The following ATP10A variants were observed in gnomAD, a reference collection of about 807,000 sequenced individuals.
ATP10A encodes phospholipid-transporting ATPase VA.
A neutral mutation model predicts 147.8 loss-of-function variants in ATP10A; 111 were observed. The ratio of observed to expected loss-of-function variants is 0.75; its 90% CI spans 0.64 to 0.88. The LOEUF (loss-of-function observed/expected upper bound fraction) is 0.88, where lower values mean the gene tolerates loss of function less well. Ranked by LOEUF, ATP10A falls within the 40% of genes least tolerant of loss-of-function variation. The pLI is 0.00. For synonymous variants in ATP10A, 875 were observed against 841.6 expected (o/e 1.04, Z -0.69); for missense variants, 1,927 against 1,959.0 (o/e 0.98, Z 0.31).
chr15:25,808,418 CTT>C (rs1197859410), intron 1 of ATP10A, among the ~76,000 whole-genome samples: 5 of 152,156 alleles, frequency 3.3e-5, no homozygotes, highest in Non-Finnish European at 4.4e-5. Context: ...GAGTTTTGCT[CTT>C]GTTTCCCAGA....
intron 17 of ATP10A, 111 bp from the exon 18 acceptor site, chr15:25,681,185 A>C: frequency 9.1e-7 from 1 of 1,100,770 alleles, no homozygotes; most frequent in Non-Finnish European, 1.3e-6. Flanking sequence ...CAATAACAAC[A>C]AAAACCCACC....
intron 16 of ATP10A, among the ~76,000 whole-genome samples, chr15:25,687,345 G>C (rs2140297877): frequency 6.6e-6 from 1 of 152,220 alleles, no homozygotes; most frequent in Non-Finnish European, 1.5e-5. Flanking sequence ...GCAGGACTGG[G>C]TGGCCTGGGG....
chr15:25,777,555 T>C (rs1355945915), intron 2 of ATP10A, among the ~76,000 whole-genome samples: 2 of 152,010 alleles, frequency 1.3e-5, no homozygotes, highest in Non-Finnish European at 2.9e-5. Context: ...GTGGGAGAAC[T>C]CTGTCTCAGA....
Position 25,679,771 on chromosome 15 carries a change from G to T in ATP10A, c.4070C>A (p.Thr1357Lys), listed in dbSNP as rs1899280704. ...SVPLSQPSWH[T>K]QQPVCSLEAS... Reference sequence around the variant, plus strand: ...CTCCAGGGAGCAGACCGGCTGCTGTGTGTGCCAAGAAGGCTGGGACAGGGG... The same window carrying T: ...CTCCAGGGAGCAGACCGGCTGCTGTTTGTGCCAAGAAGGCTGGGACAGGGG... Residue 1357 changes from threonine (T) to lysine (K), a missense_variant, in exon 21 of 21, where the codon ACA becomes AAA. By Grantham distance (78) the Thr-to-Lys change is moderately conservative. Coordinates refer to ENST00000555815, the MANE Select transcript of ATP10A (RefSeq NM_024490.4). 1.2e-6 allele frequency: 2 copies of T among 1,613,138 alleles called. No homozygotes were observed. Among genetic ancestry groups the T allele is most frequent in the South Asian group, 1.1e-5 (1 of 91,078 alleles).
chr15:25,734,163 C>A (rs1156347539), intron 3 of ATP10A, among the ~76,000 whole-genome samples: 1 of 152,164 alleles, frequency 6.6e-6, no homozygotes, highest in Non-Finnish European at 1.5e-5. Flanking sequence ...GTCTCCTGCA[C>A]CGGACCCCGC....
chr15:25,854,619 G>A lies in ATP10A; in HGVS notation c.449+8029C>T, dbSNP rs532133846. Among the ~76,000 whole-genome samples, 22 of 152,312 alleles carry A rather than the reference G, an allele frequency of 1.4e-4. No individual in the cohort carries two copies. The South Asian group carries it at 3.5e-3, about 24-fold the overall frequency. On this transcript the variant is annotated intron_variant, in intron 1 of 20. Coordinates refer to ENST00000555815, the MANE Select transcript of ATP10A (RefSeq NM_024490.4). ...AGAAGAAATAGTAAATCTGAAAGGA[G>A]TCATAACAAGTAAATGGGTTGCAAT...
chr15:25,833,154 T>C (rs918297026), intron 1 of ATP10A, among the ~76,000 whole-genome samples: 2 of 152,038 alleles, frequency 1.3e-5, no homozygotes, highest in Admixed American at 1.3e-4. Flanking sequence ...GGGTGATTTT[T>C]GCATTTTTAG....
At chr15:25,790,600 T>G (rs954370472) in intron 1 of ATP10A, among the ~76,000 whole-genome samples, 2 of 152,222 alleles carry the variant, frequency 1.3e-5, no homozygotes, top group African/African-American at 4.8e-5. Context: ...CTCACTACAA[T>G]GCAACACTGA....
At position 25,716,821 on chromosome 15, in the gene ATP10A, G is replaced by A. The variant is rs142270497; in HGVS notation, c.1685C>T (p.Ser562Leu). ...RHQEHLLAHL[S>L]PELSDVFDFF... Reference sequence around the variant, plus strand: ...ATCAAAGACGTCAGACAGCTCAGGCGAGAGGTGGGCCAGCAGGTGCTCCTG... The same window carrying A: ...ATCAAAGACGTCAGACAGCTCAGGCAAGAGGTGGGCCAGCAGGTGCTCCTG... Residue 562 changes from serine to leucine, a missense_variant, in exon 9 of 21, where the codon TCG becomes TTG. Coordinates refer to ENST00000555815, the MANE Select transcript of ATP10A (RefSeq NM_024490.4). The A allele has an allele frequency of 6.3e-4, 1,020 of 1,611,168 alleles. 1 individual carries two copies. The highest frequency in any genetic ancestry group is 7.8e-4 in the Non-Finnish European group (925 of 1,178,846).
intron 2 of ATP10A, among the ~76,000 whole-genome samples, chr15:25,766,162 T>C (rs1046505964): frequency 6.6e-6 from 1 of 152,144 alleles, no homozygotes; most frequent in African/African-American, 2.4e-5. Flanking sequence ...TAGTGAGACT[T>C]ATTCACTGTC....
intron 7 of ATP10A, among the ~76,000 whole-genome samples, chr15:25,719,593 C>T (rs1235500359): frequency 1.3e-5 from 2 of 151,680 alleles, no homozygotes; most frequent in South Asian, 2.1e-4. Context: ...CCCGCACATC[C>T]GGAGCTCCAT....
At chr15:25,727,061 A>C in intron 4 of ATP10A, 99 bp downstream of exon 4, 1 of 1,058,822 alleles carries the variant, frequency 9.4e-7, no homozygotes, top group Admixed American at 2.3e-5. Context: ...GTCTCAAAAA[A>C]AAAAAATGAA....
intron 2 of ATP10A, among the ~76,000 whole-genome samples, chr15:25,754,462 A>C (rs1433434223): frequency 6.6e-6 from 1 of 152,142 alleles, no homozygotes; most frequent in Non-Finnish European, 1.5e-5. Flanking sequence ...AGTTGCCATA[A>C]GTGGTTATTA....
rs769367478 is a variant in ATP10A, at chr15:25,765,552, T to C, written c.654+15467A>G. Among the ~76,000 whole-genome samples, 33 of 152,112 alleles carry C rather than the reference T, an allele frequency of 2.2e-4. 1 individual carries two copies. The highest frequency in any genetic ancestry group is 4.4e-4 in the Non-Finnish European group (30 of 68,022). ...CGGCACTACAGCTGTCCTGCTCTCA[T>C]GTGCAGGTAAGCGGTCACTCCTGAA... On this transcript the variant is annotated intron_variant, in intron 2 of 20. Transcript: ENST00000555815.
Position 25,781,221 on chromosome 15 carries a change from T to C in ATP10A, c.452A>G (p.Glu151Gly), listed in dbSNP as rs1889906105. ...NHLGCLVFSR[E>G]EKKYVNRFWK... ...GAATCGGTTCACGTATTTCTTTTCTTCCCTAGAAAACAGATTTTGATTAAC... is the reference window on the plus strand; with the variant it reads ...GAATCGGTTCACGTATTTCTTTTCTCCCCTAGAAAACAGATTTTGATTAAC... Residue 151 changes from glutamate (E) to glycine (G), a missense_variant and splice_region_variant, in exon 2 of 21, where the codon GAA (glutamate) becomes GGA (glycine). Coordinates refer to ENST00000555815, the MANE Select transcript of ATP10A (RefSeq NM_024490.4). The C allele has an allele frequency of 6.2e-6, 10 of 1,611,604 alleles. No homozygotes were observed. In the Admixed American group the frequency reaches 6.7e-5, roughly 11 times the overall value.
At chr15:25,855,541 A>AACACACACACACACACACAC (rs59597825) in intron 1 of ATP10A, among the ~76,000 whole-genome samples, 5 of 145,990 alleles carry the variant, frequency 3.4e-5, no homozygotes, top group African/African-American at 1.3e-4. Context: ...TATTGGTTAA[A>AACACACACACACACACACAC]ACACACACAC....
At chr15:25,743,701 G>A (rs960179245) in intron 2 of ATP10A, among the ~76,000 whole-genome samples, 2 of 152,206 alleles carry the variant, frequency 1.3e-5, no homozygotes, top group East Asian at 1.9e-4. Context: ...CCTGGAAGTC[G>A]AAAGTTGGAA....
intron 1 of ATP10A, among the ~76,000 whole-genome samples, chr15:25,784,243 G>A (rs535655683): frequency 1.3e-5 from 2 of 152,198 alleles, no homozygotes; most frequent in Non-Finnish European, 2.9e-5. Flanking sequence ...CTATGCCCAA[G>A]CATCGGCGGG....
chr15:25,775,586 A>T (rs367880338), intron 2 of ATP10A, among the ~76,000 whole-genome samples: 1 of 151,896 alleles, frequency 6.6e-6, no homozygotes, highest in Non-Finnish European at 1.5e-5. Context: ...ACCACTGTGC[A>T]CACACACACG....
Sources: allele counts gnomAD v4.1 joint callset (sites outside exome capture counted in the v4.1 genomes callset), GRCh38; gene constraint gnomAD v4.1.1; transcripts MANE v1.5; gene names NCBI Gene and HGNC (gene_info 2026-07-23, HGNC 2026-07-21).